The following OCA2 variants were observed in gnomAD, a reference collection of about 807,000 sequenced individuals.
OCA2 encodes P protein.
In OCA2, 77 loss-of-function variants were observed where a neutral mutation model predicts 100.2. That is an observed-to-expected ratio of 0.77 (90% CI 0.64 to 0.93). OCA2 has a LOEUF of 0.93. OCA2 is among the 40% of genes least tolerant of loss of function. OCA2 has a pLI of 0.00. For synonymous variants in OCA2, 432 were observed against 439.2 expected, an observed-to-expected ratio of 0.98 and a Z score of 0.21; for missense variants, 1,062 against 1,089.1, an observed-to-expected ratio of 0.98 and a Z score of 0.35.
At chr15:27,852,378 A>G (rs3858922) in intron 21 of OCA2, among the ~76,000 whole-genome samples, 119,147 of 151,752 alleles carry the variant, frequency 0.79, 47,879 homozygotes, top group East Asian at 1. Flanking sequence ...GTAGATATGC[A>G]GCGTTATTTC....
At chr15:27,964,929 C>A (rs2040517581) in intron 15 of OCA2, among the ~76,000 whole-genome samples, 1 of 152,214 alleles carries the variant, frequency 6.6e-6, no homozygotes, top group Non-Finnish European at 1.5e-5. Context: ...TTTCTCTGTT[C>A]CTTACTCAGG....
At chr15:28,071,026 G>A (rs1244266018) in intron 2 of OCA2, among the ~76,000 whole-genome samples, 7 of 140,476 alleles carry the variant, frequency 5.0e-5, no homozygotes, top group African/African-American at 1.4e-4. Context: ...CAAACACTGC[G>A]GAAGGCCGCA....
intron 18 of OCA2, among the ~76,000 whole-genome samples, chr15:27,935,830 A>AC (rs1316556242): frequency 1.3e-5 from 2 of 152,264 alleles, no homozygotes; most frequent in African/African-American, 4.8e-5. Context: ...TATAAAAGAT[A>AC]TACTGTACAG....
chr15:27,788,392 A>G (rs544952666), intron 23 of OCA2, among the ~76,000 whole-genome samples: 1 of 152,170 alleles, frequency 6.6e-6, no homozygotes, highest in South Asian at 2.1e-4. Flanking sequence ...ATGTATATGA[A>G]CAGTTGTTAT....
rs200457227 is a variant in OCA2, at chr15:27,845,031, G to A, written c.2360C>T (p.Ala787Val). ...CLGGNGTLIGASANVVCAGIA... is the reference protein window; with the variant it reads ...CLGGNGTLIGVSANVVCAGIA... The stretch of plus-strand genomic sequence containing the variant: ...CCCTGCACACACGACGTTTGCCGAC[G>A]CGCCAATCAGTGTCCCGTTACCTAA... Residue 787 changes from alanine to valine, a missense_variant, in exon 23 of 24, where the codon GCG becomes GTG. Ala to Val is a moderately conservative substitution (Grantham distance 64). Transcript: ENST00000354638. The A allele has an allele frequency of 1.9e-5, 30 of 1,613,640 alleles. No individual in the cohort carries two copies. The highest frequency in any genetic ancestry group is 6.7e-5 in the Admixed American group (4 of 59,986).
chr15:27,899,028 C>A (rs935364608), intron 19 of OCA2, among the ~76,000 whole-genome samples: 1 of 152,038 alleles, frequency 6.6e-6, no homozygotes, highest in African/African-American at 2.4e-5. Context: ...TTAAAAATCC[C>A]CAACAAAATG....
At chr15:27,855,821 A>G (rs2035927857) in intron 21 of OCA2, among the ~76,000 whole-genome samples, 1 of 152,354 alleles carries the variant, frequency 6.6e-6, no homozygotes, top group Middle Eastern at 3.4e-3. Context: ...ATGACAGCAC[A>G]GAAGATGGCA....
Position 28,031,855 on chromosome 15 carries a change from T to C in OCA2, c.326+210A>G, listed in dbSNP as rs972335. ...ATGAGTGTGCGTGTGTGCTGTGCAG[T>C]TGCTGCAGGGTTATGCTCAAGGCCA... is the stretch of plus-strand genomic sequence containing the variant. On this transcript the variant is annotated intron_variant, in intron 3 of 23. Transcript: ENST00000354638. Among the ~76,000 whole-genome samples, 16,963 of 152,212 alleles carry C rather than the reference T, an allele frequency of 0.11. 1,228 individuals are homozygous for C. Among genetic ancestry groups the C allele is most frequent in the Middle Eastern group, 0.25 (72 of 292 alleles).
chr15:27,740,471 G>A, the OCA2 span, among the ~76,000 whole-genome samples: 1 of 151,990 alleles, frequency 6.6e-6, no homozygotes, highest in Non-Finnish European at 1.5e-5. Flanking sequence ...TCGTGCATCT[G>A]GTCATCTCTC....
At chr15:28,016,517 G>A (rs950783296) in intron 7 of OCA2, among the ~76,000 whole-genome samples, 3 of 152,232 alleles carry the variant, frequency 2.0e-5, no homozygotes, top group Non-Finnish European at 2.9e-5. Context: ...GCTGGCTCAC[G>A]CCTGTAATCC....
intron 19 of OCA2, among the ~76,000 whole-genome samples, chr15:27,875,645 A>G (rs1445697896): frequency 6.6e-6 from 1 of 152,092 alleles, no homozygotes; most frequent in African/African-American, 2.4e-5. Flanking sequence ...CTATGGACAG[A>G]CTATATCTCT....
At chr15:27,889,267 T>G (rs2037357491) in intron 19 of OCA2, among the ~76,000 whole-genome samples, 1 of 152,216 alleles carries the variant, frequency 6.6e-6, no homozygotes, top group Non-Finnish European at 1.5e-5. Flanking sequence ...TGCTTTCATT[T>G]CAGATCCCTC....
chr15:27,909,733 A>T lies in OCA2; in HGVS notation c.2079+16394T>A, dbSNP rs1403701585. Reference sequence around the variant, plus strand: ...AATAAAATTAGATTCCATATTTCACACTATATGCAAGAAAAAAACCCAAAT... The same window carrying T: ...AATAAAATTAGATTCCATATTTCACTCTATATGCAAGAAAAAAACCCAAAT... On this transcript the variant is annotated intron_variant, in intron 19 of 23. Coordinates refer to ENST00000354638, the MANE Select transcript of OCA2 (RefSeq NM_000275.3). 2.0e-5 allele frequency among the ~76,000 whole-genome samples: 3 copies of T among 152,324 alleles called. No individual in the cohort carries two copies. The East Asian group carries it at 5.8e-4, about 29-fold the overall frequency.
At chr15:27,865,481 C>T (rs2036286083) in intron 21 of OCA2, among the ~76,000 whole-genome samples, 1 of 152,180 alleles carries the variant, frequency 6.6e-6, no homozygotes, top group Non-Finnish European at 1.5e-5. Context: ...AGAGCCCAGG[C>T]ACTGCACCCT....
At chr15:27,801,865 T>C (rs1205957351) in intron 23 of OCA2, among the ~76,000 whole-genome samples, 1 of 152,156 alleles carries the variant, frequency 6.6e-6, no homozygotes, top group Non-Finnish European at 1.5e-5. Context: ...GTGAAAGTAT[T>C]TGTGCTTCCT....
At chr15:27,865,781 T>G (rs2036297269) in intron 21 of OCA2, among the ~76,000 whole-genome samples, 1 of 152,168 alleles carries the variant, frequency 6.6e-6, no homozygotes, top group Non-Finnish European at 1.5e-5. Context: ...CACTGCCTTC[T>G]CTCTACATCA....
At chr15:27,737,511 C>A in the OCA2 span, among the ~76,000 whole-genome samples, 1 of 152,066 alleles carries the variant, frequency 6.6e-6, no homozygotes, top group African/African-American at 2.4e-5. Flanking sequence ...AAGAGATAGT[C>A]TTTTAAATGA....
intron 2 of OCA2, among the ~76,000 whole-genome samples, chr15:28,079,758 C>T (rs2141878345): frequency 6.6e-6 from 1 of 152,244 alleles, no homozygotes; most frequent in South Asian, 2.1e-4. Context: ...TCCCGACACC[C>T]CCTCCCCGTG....
At chr15:27,763,742 C>G (rs2031029388) in intron 23 of OCA2, among the ~76,000 whole-genome samples, 1 of 152,124 alleles carries the variant, frequency 6.6e-6, no homozygotes, top group South Asian at 2.1e-4. Context: ...GGAGACTGTG[C>G]CTCAGGGAGA....
Sources: allele counts gnomAD v4.1 joint callset (sites outside exome capture counted in the v4.1 genomes callset), GRCh38; gene constraint gnomAD v4.1.1; transcripts MANE v1.5; gene names NCBI Gene and HGNC (gene_info 2026-07-23, HGNC 2026-07-21).